API5: variants seen among roughly 807,000 people sequenced by gnomAD.
The protein encoded by API5 is apoptosis inhibitor 5.
API5 carries 6 observed loss-of-function variants against 71.9 expected under a neutral mutation model. The observed-to-expected ratio is 0.08, with a 90% CI of 0.05 to 0.16. The LOEUF (loss-of-function observed/expected upper bound fraction) is 0.16, where lower values mean the gene tolerates loss of function less well. API5 is among the 10% of genes least tolerant of loss of function. The probability of loss-of-function intolerance (pLI) is 1.00; values close to 1 mark genes in which losing one functional copy is unlikely to be tolerated. For synonymous variants in API5, 189 were observed against 221.3 expected, an observed-to-expected ratio of 0.85 and a Z score of 1.30; for missense variants, 332 against 612.8, an observed-to-expected ratio of 0.54 and a Z score of 4.84.
chr11:43,335,448 A>G, intron 12 of API5, 94 bp downstream of exon 12: 1 of 734,992 alleles, frequency 1.4e-6, no homozygotes, highest in Non-Finnish European at 2.3e-6. Context: ...AATGATTCAT[A>G]ATAGCATGTT....
At chr11:43,336,152 C>A in intron 13 of API5, 158 bp downstream of exon 13, 1 of 953,540 alleles carries the variant, frequency 1.0e-6, no homozygotes, top group Non-Finnish European at 1.5e-6. Flanking sequence ...ATGATTTATC[C>A]CATTCCTCTC....
rs1254330418 is a variant in API5, at chr11:43,342,397, A to T, written c.1493-31A>T. 1.3e-5 allele frequency: 20 copies of T among 1,549,268 alleles called. No individual in the cohort carries two copies. The East Asian group carries it at 4.5e-4, about 35-fold the overall frequency. The stretch of plus-strand genomic sequence containing the variant: ...TTTGCTGCACCATGAAATCCTAAGC[A>T]AGACCTAAACCCTTGTTCGCTTTTT... On this transcript the variant is annotated intron_variant, in intron 13 of 13. Transcript: ENST00000531273.
At chr11:43,333,862 C>G (rs1855340650) in intron 11 of API5, among the ~76,000 whole-genome samples, 1 of 152,138 alleles carries the variant, frequency 6.6e-6, no homozygotes, top group Non-Finnish European at 1.5e-5. Flanking sequence ...GTTAACTTTT[C>G]CCATTGGTGT....
chr11:43,329,670 A>G lies in API5; in HGVS notation c.1128-295A>G, dbSNP rs559683217. On this transcript the variant is annotated intron_variant, in intron 9 of 13. Transcript: ENST00000531273. ...AGCAGCACTGGAGAAGTCAATGTAA[A>G]TAGTTTTCACAAAGACACTGCTTAT... 2.0e-5 allele frequency among the ~76,000 whole-genome samples: 3 copies of G among 152,364 alleles called. No homozygotes were observed. The South Asian group carries it at 6.2e-4, about 32-fold the overall frequency.
At position 43,318,657 on chromosome 11, in the gene API5, A is replaced by G. The variant is rs779047063; in HGVS notation, c.87A>G (p.Gln29=). 28 of 1,613,022 alleles carry G rather than the reference A, an allele frequency of 1.7e-5. No homozygotes were observed. The highest frequency in any genetic ancestry group is 2.2e-5 in the Non-Finnish European group (26 of 1,179,934). Residue 29 remains glutamine (Q), a synonymous_variant, in exon 2 of 14, where the codon CAA becomes CAG. Coordinates refer to ENST00000531273, the MANE Select transcript of API5 (RefSeq NM_001142930.2). ...TATTTCAGCATAAAGATGCCTATCA[A>G]GTGATATTGGATGGTGTGAAAGGTG... ...EQVGQHKDAY[Q]VILDGVKGGT...
intron 1 of API5, 32 bp downstream of exon 1, chr11:43,312,228 C>G (rs759132924): frequency 6.2e-7 from 1 of 1,606,724 alleles, no homozygotes; most frequent in Non-Finnish European, 8.5e-7. Context: ...CCTGCAGGGC[C>G]TGGCGCTCCG....
chr11:43,312,280 G>GCGGGGGCTGCGGCTTCATCCTCC, intron 1 of API5, 84 bp downstream of exon 1: 3 of 1,439,672 alleles, frequency 2.1e-6, no homozygotes, highest in Non-Finnish European at 2.9e-6. Flanking sequence ...CCCGGGCCGA[G>GCGGGGGCTGCGGCTTCATCCTCC]CGGGGGCTGC....
chr11:43,336,209 A>T, intron 13 of API5: 1 of 512,324 alleles, frequency 2.0e-6, no homozygotes. Context: ...AACATTAAAC[A>T]GTAAGCACTT....
At chr11:43,317,437 A>T (rs1189572748) in intron 1 of API5, among the ~76,000 whole-genome samples, 1 of 152,104 alleles carries the variant, frequency 6.6e-6, no homozygotes, top group African/African-American at 2.4e-5. Context: ...AAAAGGTTTA[A>T]ACATGTGACA....
At chr11:43,330,111 T>C in intron 10 of API5, 53 bp downstream of exon 10, 1 of 1,411,494 alleles carries the variant, frequency 7.1e-7, no homozygotes, top group South Asian at 1.2e-5. Flanking sequence ...CCAAACTATA[T>C]AGACTTGTGT....
At chr11:43,327,213 T>TGC (rs1270364993) in intron 7 of API5, among the ~76,000 whole-genome samples, 10 of 152,370 alleles carry the variant, frequency 6.6e-5, no homozygotes, top group Admixed American at 5.2e-4. Context: ...AATCTCACTG[T>TGC]GCACTGACAA....
intron 8 of API5, 34 bp from the exon 9 acceptor site, chr11:43,328,678 C>T (rs1855152290): frequency 6.3e-7 from 1 of 1,580,862 alleles, no homozygotes; most frequent in African/African-American, 1.4e-5. Flanking sequence ...ATATGTAGAA[C>T]AGATTGCAAA....
intron 6 of API5, among the ~76,000 whole-genome samples, chr11:43,323,947 G>A (rs187650953): frequency 6.6e-6 from 1 of 152,134 alleles, no homozygotes; most frequent in Non-Finnish European, 1.5e-5. Context: ...AGGGATGCTT[G>A]GTCTGTGTTT....
intron 13 of API5, among the ~76,000 whole-genome samples, chr11:43,338,648 T>TAAAAAAAAAAAA (rs35510804): frequency 2.1e-5 from 2 of 97,010 alleles, no homozygotes; most frequent in Non-Finnish European, 3.9e-5. Context: ...CAATTGGAGG[T>TAAAAAAAAAAAA]AAAAAAAAAA....
At position 43,335,340 on chromosome 11, in the gene API5, A is replaced by G. The variant is rs1217255486; in HGVS notation, c.1341A>G (p.Gln447=). Residue 447 remains glutamine (Q), a synonymous_variant, in exon 12 of 14, where the codon CAA becomes CAG. Transcript: ENST00000531273. The part of the protein sequence containing the change: ...STVTLSWKPV[Q]KVEIGQKRAS... ...TAACACTATCCTGGAAACCTGTACA[A>G]AAGGTTGAGATTGGGTAAGAAATAT... 6.3e-7 allele frequency: 1 copy of G among 1,596,430 alleles called. No homozygotes were observed. The highest frequency in any genetic ancestry group is 8.6e-7 in the Non-Finnish European group (1 of 1,164,376).
At chr11:43,312,507 T>G (rs1854513016) in intron 1 of API5, among the ~76,000 whole-genome samples, 1 of 152,184 alleles carries the variant, frequency 6.6e-6, no homozygotes, top group South Asian at 2.1e-4. Context: ...CTCTACAGGA[T>G]TCTCTTAAGC....
In API5 at chr11:43,328,874, C is replaced by T. The variant is rs140542517; in HGVS notation, c.1108C>T (p.Leu370Phe). The change falls in exon 9 of 14, where the codon CTC (leucine) becomes TTC (phenylalanine). Residue 370 changes from leucine (L) to phenylalanine (F), a missense_variant. Physicochemically the swap from Leu to Phe is conservative, Grantham distance 22 (BLOSUM62 0). Around this residue, in one of 3 missense-constraint regions of API5, gnomAD observed 168 missense variants for 343.9 expected, o/e 0.49. Coordinates refer to ENST00000531273, the MANE Select transcript of API5 (RefSeq NM_001142930.2). ...AACAGCCAAACTGAATGCAGAAAAGCTCAAAGATTTCAAAATCAGGTGATA... is the reference window on the plus strand; with the variant it reads ...AACAGCCAAACTGAATGCAGAAAAGTTCAAAGATTTCAAAATCAGGTGATA... ...FLTAKLNAEK[L>F]KDFKIRLQYF... is the part of the protein sequence containing the mutation. 1 of 1,613,936 alleles carries T rather than the reference C, an allele frequency of 6.2e-7. No homozygotes were observed. Among genetic ancestry groups the T allele is most frequent in the South Asian group, 1.1e-5 (1 of 91,088 alleles).
chr11:43,317,541 C>T (rs80100812), intron 1 of API5, among the ~76,000 whole-genome samples: 1,548 of 152,290 alleles, frequency 0.01, 29 homozygotes, highest in African/African-American at 0.035. Flanking sequence ...AACTGCACTT[C>T]CTAACATTGC....
intron 1 of API5, 60 bp downstream of exon 1, chr11:43,312,256 T>C (rs1854499104): frequency 6.5e-7 from 1 of 1,546,290 alleles, no homozygotes; most frequent in South Asian, 1.1e-5. Context: ...TCGAAAGCGC[T>C]TCCCGCCGCA....
Sources: gnomAD v4.1 joint callset for allele counts (sites outside exome capture counted in the v4.1 genomes callset) on GRCh38, gnomAD v4.1.1 for gene constraint, gnomAD v4.1.1 regional missense constraint, MANE v1.5 for transcripts, NCBI Gene and HGNC (gene_info 2026-07-23, HGNC 2026-07-21) for gene names.